RBFOX1: variants seen among roughly 807,000 people sequenced by gnomAD.
RBFOX1 encodes RNA binding protein fox-1 homolog 1.
In RBFOX1, 8 loss-of-function variants were observed where a neutral mutation model predicts 57.7. The ratio of observed to expected loss-of-function variants is 0.14; its 90% CI spans 0.08 to 0.25. RBFOX1 has a LOEUF of 0.25. Among genes scored for constraint, RBFOX1 ranks in the 10% least tolerant of loss-of-function variants. RBFOX1 has a pLI of 1.00. For missense variants in RBFOX1, 611 were observed against 548.5 expected (o/e 1.11, Z -1.14); for synonymous variants, 326 against 222.4 (o/e 1.47, Z -4.15).
chr16:7,315,715 T>C (rs2096423020), intron 4 of RBFOX1, among the ~76,000 whole-genome samples: 1 of 152,068 alleles, frequency 6.6e-6, no homozygotes, highest in Non-Finnish European at 1.5e-5. Context: ...TACAGCATTT[T>C]GGACTCGGAA....
intron 4 of RBFOX1, among the ~76,000 whole-genome samples, chr16:5,908,224 A>ATG (rs1416999178): frequency 2.1e-5 from 3 of 145,128 alleles, no homozygotes; most frequent in Admixed American, 6.8e-5. Flanking sequence ...ATACATATAT[A>ATG]CACACATATA....
At chr16:5,820,442 C>T (rs969379831) in intron 3 of RBFOX1, among the ~76,000 whole-genome samples, 12 of 152,116 alleles carry the variant, frequency 7.9e-5, no homozygotes, top group African/African-American at 1.9e-4. Context: ...GTGGCTGGAC[C>T]GTGCCGGGAT....
intron 3 of RBFOX1, among the ~76,000 whole-genome samples, chr16:6,675,464 A>C (rs529303739): frequency 2.6e-5 from 4 of 152,056 alleles, no homozygotes; most frequent in Non-Finnish European, 2.9e-5. Context: ...GCATTTGACA[A>C]ATTTAGTGAC....
At chr16:6,730,363 G>T (rs1283617553) in intron 3 of RBFOX1, among the ~76,000 whole-genome samples, 1 of 151,378 alleles carries the variant, frequency 6.6e-6, no homozygotes, top group Admixed American at 6.7e-5. Context: ...TAAGCAGTAA[G>T]CATGTGGAAT....
intron 4 of RBFOX1, among the ~76,000 whole-genome samples, chr16:7,325,864 G>A (rs946325210): frequency 2.0e-5 from 3 of 152,100 alleles, no homozygotes; most frequent in African/African-American, 7.2e-5. Context: ...TTTTTCTTGC[G>A]GTCCATGCTA....
At chr16:5,804,047 T>A (rs2055149524) in intron 3 of RBFOX1, among the ~76,000 whole-genome samples, 2 of 152,190 alleles carry the variant, frequency 1.3e-5, no homozygotes, top group Admixed American at 6.5e-5. Context: ...GGTCTGCAAT[T>A]GCATCTATTC....
chr16:6,650,294 T>A (rs1041804630), intron 2 of RBFOX1, among the ~76,000 whole-genome samples: 4 of 151,842 alleles, frequency 2.6e-5, no homozygotes, highest in African/African-American at 9.7e-5. Context: ...ATTTTTTTCT[T>A]TTTTTGCTGT....
chr16:7,160,590 G>A (rs896362451), intron 4 of RBFOX1, among the ~76,000 whole-genome samples: 2 of 152,024 alleles, frequency 1.3e-5, no homozygotes, highest in Non-Finnish European at 2.9e-5. Flanking sequence ...CTGAAAAGTC[G>A]TAATACAAAC....
At chr16:7,672,931 A>G (rs2072028497) in intron 13 of RBFOX1, among the ~76,000 whole-genome samples, 1 of 147,840 alleles carries the variant, frequency 6.8e-6, no homozygotes, top group South Asian at 2.2e-4. Flanking sequence ...TCATTTTAAA[A>G]TGTTCTTATA....
At chr16:6,638,281 C>G (rs971713292) in intron 2 of RBFOX1, among the ~76,000 whole-genome samples, 1 of 152,076 alleles carries the variant, frequency 6.6e-6, no homozygotes, top group African/African-American at 2.4e-5. Flanking sequence ...TACATTTTTC[C>G]TATGCTCATG....
At chr16:5,954,529 A>T (rs977996445) in intron 4 of RBFOX1, among the ~76,000 whole-genome samples, 1 of 152,146 alleles carries the variant, frequency 6.6e-6, no homozygotes, top group African/African-American at 2.4e-5. Context: ...GTCTTCCATT[A>T]TTAAAAGTGT....
At chr16:5,998,619 C>T (rs2060531628) in intron 4 of RBFOX1, among the ~76,000 whole-genome samples, 1 of 152,160 alleles carries the variant, frequency 6.6e-6, no homozygotes, top group East Asian at 1.9e-4. Context: ...TGTGAGGGTG[C>T]AGAGCCACCT....
At chr16:7,099,420 G>A (rs2062271711) in intron 4 of RBFOX1, among the ~76,000 whole-genome samples, 1 of 152,164 alleles carries the variant, frequency 6.6e-6, no homozygotes, top group Admixed American at 6.5e-5. Flanking sequence ...AGGGGAATGG[G>A]ATGAAATAAT....
chr16:7,552,739 A>G (rs1240430765), intron 5 of RBFOX1, among the ~76,000 whole-genome samples: 4 of 152,076 alleles, frequency 2.6e-5, no homozygotes, highest in Non-Finnish European at 4.4e-5. Flanking sequence ...CCGAAGTGCA[A>G]TGGCGTGATC....
intron 3 of RBFOX1, among the ~76,000 whole-genome samples, chr16:7,026,474 T>C (rs2040972033): frequency 6.6e-6 from 1 of 152,184 alleles, no homozygotes; most frequent in Admixed American, 6.5e-5. Flanking sequence ...TTCATTTTTT[T>C]CACACTTCCA....
At chr16:5,949,451 G>A (rs76277829) in intron 4 of RBFOX1, among the ~76,000 whole-genome samples, 173 of 147,364 alleles carry the variant, frequency 1.2e-3, no homozygotes, top group African/African-American at 3.9e-3. Context: ...ACGTGAACCC[G>A]GGAGGCAGAG....
intron 5 of RBFOX1, among the ~76,000 whole-genome samples, chr16:7,564,553 A>C (rs887310651): frequency 3.7e-5 from 3 of 81,830 alleles, no homozygotes; most frequent in African/African-American, 8.8e-5. Flanking sequence ...AAAAAAAAAA[A>C]AAAAAAAAAA....
intron 3 of RBFOX1, among the ~76,000 whole-genome samples, chr16:5,625,357 G>T (rs1350070671): frequency 1.3e-5 from 2 of 152,150 alleles, no homozygotes; most frequent in South Asian, 4.1e-4. Flanking sequence ...GATGCTCACT[G>T]CAGTTCTCAG....
intron 1 of RBFOX1, among the ~76,000 whole-genome samples, chr16:6,155,135 A>G (rs1203591921): frequency 6.6e-6 from 1 of 152,202 alleles, no homozygotes; most frequent in Non-Finnish European, 1.5e-5. Context: ...GTAGAATAAA[A>G]TCCATTGTAC....
Sources: gnomAD v4.1 joint callset for allele counts (sites outside exome capture counted in the v4.1 genomes callset) on GRCh38, gnomAD v4.1.1 for gene constraint, MANE v1.5 for transcripts, NCBI Gene and HGNC (gene_info 2026-07-23, HGNC 2026-07-21) for gene names.